LPCAT2: variants seen among roughly 807,000 people sequenced by gnomAD.
LPCAT2 encodes the protein 1-AGP acyltransferase 11.
In LPCAT2, 58 loss-of-function variants were observed where a neutral mutation model predicts 64.7. That is an observed-to-expected ratio of 0.90 (90% CI 0.73 to 1.12). The LOEUF (loss-of-function observed/expected upper bound fraction) is 1.12, where lower values mean the gene tolerates loss of function less well. Among genes scored for constraint, LPCAT2 ranks in the 50% most tolerant of loss-of-function variants. The pLI, the probability that LPCAT2 is intolerant of heterozygous loss-of-function variation, is 0.00. For missense variants in LPCAT2, 579 were observed against 669.8 expected, an observed-to-expected ratio of 0.86 and a Z score of 1.50; for synonymous variants, 252 against 245.3, an observed-to-expected ratio of 1.03 and a Z score of -0.26.
chr16:55,542,398 A>G (rs1042051006), intron 8 of LPCAT2, among the ~76,000 whole-genome samples: 2 of 152,156 alleles, frequency 1.3e-5, no homozygotes, highest in Non-Finnish European at 2.9e-5. Context: ...ATAGAAGGGA[A>G]TACATTCACA....
intron 1 of LPCAT2, among the ~76,000 whole-genome samples, chr16:55,523,434 T>A (rs188052825): frequency 6.6e-6 from 1 of 151,884 alleles, no homozygotes; most frequent in African/African-American, 2.4e-5. Context: ...GACCCAATAA[T>A]TTTATTTTTA....
At chr16:55,550,898 G>A in intron 10 of LPCAT2, 51 bp from the exon 11 acceptor site, 1 of 1,343,126 alleles carries the variant, frequency 7.4e-7, no homozygotes, top group Non-Finnish European at 9.9e-7. Flanking sequence ...AAATGTGCAT[G>A]TGAATTGTAA....
intron 11 of LPCAT2, among the ~76,000 whole-genome samples, chr16:55,573,028 A>G (rs1963788084): frequency 6.6e-6 from 1 of 152,228 alleles, no homozygotes. Flanking sequence ...TGTTTGTTTC[A>G]GGAATAAACC....
Position 55,532,864 on chromosome 16 carries a change from C to T in LPCAT2, c.744C>T (p.Leu248=), listed in dbSNP as rs764190526. The T allele has an allele frequency of 3.7e-6, 6 of 1,611,942 alleles. No homozygotes were observed. Among genetic ancestry groups the T allele is most frequent in the Admixed American group, 1.7e-5 (1 of 59,846 alleles). ...GAGTTCCAGTGCAGCCAGTCCTCCT[C>T]AGATACCCAAACAAGCTGGTAAGCA... ...IPGVPVQPVL[L]RYPNKLDTVT... Residue 248 remains leucine (L), a synonymous_variant, in exon 6 of 14, where the codon CTC becomes CTT. Coordinates refer to ENST00000262134, the MANE Select transcript of LPCAT2 (RefSeq NM_017839.5).
chr16:55,516,735 A>G (rs1441692632), intron 1 of LPCAT2, among the ~76,000 whole-genome samples: 1 of 152,220 alleles, frequency 6.6e-6, no homozygotes, highest in Non-Finnish European at 1.5e-5. Context: ...TAGAACAATG[A>G]GACAGTATCA....
chr16:55,535,441 A>G (rs1963311766), intron 7 of LPCAT2, among the ~76,000 whole-genome samples: 1 of 152,242 alleles, frequency 6.6e-6, no homozygotes, highest in Admixed American at 6.5e-5. Flanking sequence ...CAGTAGAATA[A>G]ATATTAACAC....
At chr16:55,557,939 A>G (rs1384404316) in intron 11 of LPCAT2, among the ~76,000 whole-genome samples, 1 of 152,216 alleles carries the variant, frequency 6.6e-6, no homozygotes, top group East Asian at 1.9e-4. Context: ...AAAATGTGGT[A>G]TTCATGATCC....
chr16:55,565,017 G>C (rs1963676839), intron 11 of LPCAT2, among the ~76,000 whole-genome samples: 1 of 151,858 alleles, frequency 6.6e-6, no homozygotes, highest in South Asian at 2.1e-4. Flanking sequence ...CAAATAACCA[G>C]ATTTTAAAAT....
At chr16:55,561,332 TAA>T (rs1963633423) in intron 11 of LPCAT2, among the ~76,000 whole-genome samples, 1 of 151,246 alleles carries the variant, frequency 6.6e-6, no homozygotes, top group Non-Finnish European at 1.5e-5. Context: ...AAATTGGGAC[TAA>T]ATTATCCATC....
At chr16:55,578,885 C>T (rs963937219) in intron 12 of LPCAT2, 1 of 451,188 alleles carries the variant, frequency 2.2e-6, no homozygotes, top group African/African-American at 2.0e-5. Flanking sequence ...ATCCCCTGTC[C>T]CTTTGTACTA....
At chr16:55,568,643 T>A (rs527982690) in intron 11 of LPCAT2, among the ~76,000 whole-genome samples, 2 of 152,240 alleles carry the variant, frequency 1.3e-5, no homozygotes, top group East Asian at 3.9e-4. Flanking sequence ...CCCAAGTGAT[T>A]CTAATGATCA....
At chr16:55,565,415 A>G (rs547351181) in intron 11 of LPCAT2, among the ~76,000 whole-genome samples, 75 of 152,260 alleles carry the variant, frequency 4.9e-4, no homozygotes, top group African/African-American at 1.8e-3. Flanking sequence ...ACCCATGTTC[A>G]TAGCAGCATT....
At chr16:55,573,722 CTT>C (rs1277163246) in intron 11 of LPCAT2, among the ~76,000 whole-genome samples, 4 of 152,190 alleles carry the variant, frequency 2.6e-5, no homozygotes, top group South Asian at 2.1e-4. Flanking sequence ...CCCTCCACCT[CTT>C]TATCTTTTTC....
chr16:55,566,368 G>T (rs1963696199), intron 11 of LPCAT2, among the ~76,000 whole-genome samples: 1 of 151,990 alleles, frequency 6.6e-6, no homozygotes, highest in African/African-American at 2.4e-5. Flanking sequence ...TGATTTCCTT[G>T]CATCATTTAC....
rs936368174 is a variant in LPCAT2, at chr16:55,560,343, G to C, written c.1215+9241G>C. Among the ~76,000 whole-genome samples, 13 of 152,180 alleles carry C rather than the reference G, an allele frequency of 8.5e-5. No individual in the cohort carries two copies. In the South Asian group the frequency reaches 1.4e-3, roughly 17 times the overall value. On this transcript the variant is annotated intron_variant, in intron 11 of 13. Coordinates refer to ENST00000262134, the MANE Select transcript of LPCAT2 (RefSeq NM_017839.5). ...GATGAAGGCCCCACTTGACAGAAAG[G>C]CTTCATCTAAAGTGGGAGTTGTGAG...
chr16:55,530,502 G>C (rs1469206184), intron 4 of LPCAT2, among the ~76,000 whole-genome samples: 2 of 145,238 alleles, frequency 1.4e-5, no homozygotes, highest in African/African-American at 5.2e-5. Context: ...TGGGGGGGGG[G>C]TAACATTTAC....
chr16:55,513,654 T>C (rs889424818), intron 1 of LPCAT2, among the ~76,000 whole-genome samples: 4 of 152,204 alleles, frequency 2.6e-5, no homozygotes, highest in African/African-American at 9.7e-5. Flanking sequence ...AATTTTATTC[T>C]AATTCCTCAT....
rs1324657173 is a variant in LPCAT2, at chr16:55,567,468, A to G, written c.1216-7163A>G. The G allele has an allele frequency of 4.3e-6, 7 of 1,613,734 alleles. 1 individual carries two copies. The East Asian group carries it at 6.7e-5, about 15-fold the overall frequency. ...TAGAGATGGCCTGATTCAAGTGTCT[A>G]TCAAAGAATGGCTGCAGTTGACCAT... On this transcript the variant is annotated intron_variant, in intron 11 of 13. Transcript: ENST00000262134.
At chr16:55,534,908 A>G (rs1260725357) in intron 7 of LPCAT2, among the ~76,000 whole-genome samples, 1 of 152,178 alleles carries the variant, frequency 6.6e-6, no homozygotes, top group Non-Finnish European at 1.5e-5. Flanking sequence ...TGTGTCTGAT[A>G]TGAGTTGAAA....
Sources: allele counts gnomAD v4.1 joint callset (sites outside exome capture counted in the v4.1 genomes callset), GRCh38; gene constraint gnomAD v4.1.1; transcripts MANE v1.5; gene names NCBI Gene and HGNC (gene_info 2026-07-23, HGNC 2026-07-21).